SREBF2: variants seen among roughly 807,000 people sequenced by gnomAD.
The protein encoded by SREBF2 is sterol regulatory element-binding protein 2.
A neutral mutation model predicts 113.1 loss-of-function variants in SREBF2; 55 were observed. That is an observed-to-expected ratio of 0.49 (90% CI 0.39 to 0.61). The LOEUF is 0.61. Ranked by LOEUF, SREBF2 falls within the 20% of genes least tolerant of loss-of-function variation. SREBF2 has a pLI of 0.00. For missense variants in SREBF2, 1,349 were observed against 1,487.4 expected (o/e 0.91, Z 1.53); for synonymous variants, 593 against 605.7 (o/e 0.98, Z 0.31).
At position 41,845,454 on chromosome 22, in the gene SREBF2, T is replaced by A. The variant is rs191851977; in HGVS notation, c.88+12096T>A. On this transcript the variant is annotated intron_variant, in intron 1 of 18. Transcript: ENST00000361204. ...CCCTTCTCTGGTCAAAAGTTGTTTTTAAAAAATCCTTGCTGCATTTCAACG... is the reference window on the plus strand; with the variant it reads ...CCCTTCTCTGGTCAAAAGTTGTTTTAAAAAAATCCTTGCTGCATTTCAACG... Among the ~76,000 whole-genome samples, 365 of 152,310 alleles carry A rather than the reference T, an allele frequency of 2.4e-3. 1 individual carries two copies. Among genetic ancestry groups the A allele is most frequent in the Non-Finnish European group, 1.9e-3 (128 of 68,028 alleles).
chr22:41,878,322 G>A (rs1017913202), intron 9 of SREBF2, among the ~76,000 whole-genome samples, 199 bp downstream of exon 9: 2 of 152,130 alleles, frequency 1.3e-5, no homozygotes, highest in African/African-American at 2.4e-5. Context: ...CTATGTCTCC[G>A]GTATGACAGG....
chr22:41,870,738 C>G (rs2077132028), intron 3 of SREBF2, 151 bp from the exon 4 acceptor site: 2 of 1,115,734 alleles, frequency 1.8e-6, no homozygotes, highest in East Asian at 2.7e-5. Context: ...GAAATGGCCT[C>G]TATGAAATTT....
At position 41,897,178 on chromosome 22, in the gene SREBF2, G is replaced by A. The variant is rs375445942; in HGVS notation, c.2605+17G>A. Reference sequence around the variant, plus strand: ...CCGCCCTGGGTAAGCACCTGCGGGTGGCCCACAGTCTCAGGGTGCTCAGTT... The same window carrying A: ...CCGCCCTGGGTAAGCACCTGCGGGTAGCCCACAGTCTCAGGGTGCTCAGTT... On this transcript the variant is annotated intron_variant, in intron 14 of 18. Coordinates refer to ENST00000361204, the MANE Select transcript of SREBF2 (RefSeq NM_004599.4). 1 of 1,579,190 alleles carries A rather than the reference G, an allele frequency of 6.3e-7. No individual in the cohort carries two copies. Among genetic ancestry groups the A allele is most frequent in the African/African-American group, 1.3e-5 (1 of 74,202 alleles).
intron 11 of SREBF2, among the ~76,000 whole-genome samples, chr22:41,889,482 C>T (rs959809047): frequency 1.1e-4 from 17 of 152,046 alleles, no homozygotes; most frequent in Non-Finnish European, 4.4e-5. Context: ...GTCTTAACAG[C>T]TTAGTGGTCA....
At chr22:41,838,950 C>T (rs960933636) in intron 1 of SREBF2, among the ~76,000 whole-genome samples, 1 of 152,030 alleles carries the variant, frequency 6.6e-6, no homozygotes, top group African/African-American at 2.4e-5. Context: ...TGACAGAGTA[C>T]CCTGCAGTAC....
chr22:41,881,249 G>T (rs190674725), intron 10 of SREBF2, among the ~76,000 whole-genome samples: 1 of 152,346 alleles, frequency 6.6e-6, no homozygotes, highest in East Asian at 1.9e-4. Flanking sequence ...GTGGCACATT[G>T]TAGATAAGTT....
At chr22:41,867,368 C>T in intron 2 of SREBF2, 88 bp downstream of exon 2, 2 of 1,389,740 alleles carry the variant, frequency 1.4e-6, no homozygotes, top group Non-Finnish European at 2.0e-6. Context: ...CTGTCGTCTT[C>T]AGGAATGGCA....
At chr22:41,854,085 TG>T (rs1191183917) in intron 1 of SREBF2, among the ~76,000 whole-genome samples, 7 of 151,976 alleles carry the variant, frequency 4.6e-5, no homozygotes, top group Non-Finnish European at 8.8e-5. Context: ...ATAAGTTGCA[TG>T]AAAGTTGCTA....
At chr22:41,849,014 A>G (rs1223943596) in intron 1 of SREBF2, among the ~76,000 whole-genome samples, 1 of 152,154 alleles carries the variant, frequency 6.6e-6, no homozygotes, top group African/African-American at 2.4e-5. Flanking sequence ...AGTAAAAAAA[A>G]TCATGTTTAA....
At chr22:41,899,921 A>G in intron 15 of SREBF2, 1 of 1,134,450 alleles carries the variant, frequency 8.8e-7, no homozygotes, top group Non-Finnish European at 1.1e-6. Flanking sequence ...CTCTACAGAA[A>G]GAAGCTAACT....
At chr22:41,889,011 A>G (rs1397138757) in intron 11 of SREBF2, among the ~76,000 whole-genome samples, 3 of 152,066 alleles carry the variant, frequency 2.0e-5, no homozygotes, top group Admixed American at 2.0e-4. Flanking sequence ...AATGGTTTAG[A>G]CTAGAGGTTC....
rs952681205 is a variant in SREBF2, at chr22:41,833,515, C to A, written c.88+157C>A. The A allele has an allele frequency of 2.2e-5, 12 of 549,930 alleles. No individual in the cohort carries two copies. The highest frequency in any genetic ancestry group is 1.8e-4 in the East Asian group (5 of 28,330). 34.1% of individuals were successfully genotyped at this position (549,930 alleles called of 1,614,324 possible). A position where few individuals can be genotyped will look rare whatever the true frequency, so the allele number is the denominator to read the frequency against. ...CCCCGGCGGTCCTCAACCCTTCCGG[C>A]GCTGCGAGCGTGAGCCCGACCCAGC... On this transcript the variant is annotated intron_variant, in intron 1 of 18. Transcript: ENST00000361204. This position sits in a 1 kb window ranked among gnomAD's most constrained non-coding sequence, Gnocchi z 4.1.
At chr22:41,898,839 T>C (rs1310616810) in intron 15 of SREBF2, 58 bp downstream of exon 15, 1 of 1,604,470 alleles carries the variant, frequency 6.2e-7, no homozygotes. Context: ...TTGTTTGAGT[T>C]AGCAGGAGCA....
At chr22:41,844,033 T>TACACACACACACACACAC (rs71311415) in intron 1 of SREBF2, among the ~76,000 whole-genome samples, 66 of 123,136 alleles carry the variant, frequency 5.4e-4, no homozygotes, top group South Asian at 2.2e-3. Context: ...AAAAAATACA[T>TACACACACACACACACAC]ACACACACAC....
intron 2 of SREBF2, among the ~76,000 whole-genome samples, chr22:41,867,661 G>A (rs1569389195): frequency 6.6e-6 from 1 of 152,160 alleles, no homozygotes; most frequent in Admixed American, 6.5e-5. Flanking sequence ...GAAAAAATTA[G>A]CCGGGCATGG....
In SREBF2 at chr22:41,868,717, G is replaced by A. The variant is rs761908810; in HGVS notation, c.645G>A (p.Thr215=). The change falls in exon 3 of 19, where the codon ACG becomes ACA. Residue 215 remains threonine (T), a synonymous_variant. Coordinates refer to ENST00000361204, the MANE Select transcript of SREBF2 (RefSeq NM_004599.4). The part of the protein sequence containing the change: ...TVQAQRVLTQ[T]ANGTLQTLAP... ...AGGCCCAGCGGGTGCTGACACAAACGGCCAATGGCACGCTGCAGACCCTTG... is the reference window on the plus strand; with the variant it reads ...AGGCCCAGCGGGTGCTGACACAAACAGCCAATGGCACGCTGCAGACCCTTG... 2.9e-5 allele frequency: 47 copies of A among 1,614,060 alleles called. No individual in the cohort carries two copies. The highest frequency in any genetic ancestry group is 9.3e-5 in the African/African-American group (7 of 74,910).
chr22:41,882,399 G>A (rs544601971), intron 10 of SREBF2, among the ~76,000 whole-genome samples: 5 of 152,314 alleles, frequency 3.3e-5, no homozygotes, highest in Middle Eastern at 3.4e-3. Context: ...AGCTGGACAT[G>A]CAGGATCTAC....
At chr22:41,874,281 T>C (rs2077172888) in intron 5 of SREBF2, among the ~76,000 whole-genome samples, 1 of 152,188 alleles carries the variant, frequency 6.6e-6, no homozygotes, top group Non-Finnish European at 1.5e-5. Flanking sequence ...GGGACTCCAC[T>C]GTCAGAGGCA....
chr22:41,907,010 TGG>T lies in SREBF2; in HGVS notation c.*1355_*1356del, dbSNP rs1224365749. 1 of 152,192 alleles carries T rather than the reference TGG, an allele frequency of 6.6e-6. No homozygotes were observed. The highest frequency in any genetic ancestry group is 1.5e-5 in the Non-Finnish European group (1 of 68,044). 9.4% of individuals were successfully genotyped at this position (152,192 alleles called of 1,614,324 possible). ...GGTGGGCAGGAGCCCCAGCACAGAC[TGG>T]GGGGTGCTCACAGCAGGGCCACCTT... On this transcript the variant is annotated 3_prime_UTR_variant, in exon 19 of 19. Coordinates refer to ENST00000361204, the MANE Select transcript of SREBF2 (RefSeq NM_004599.4).
Sources: gnomAD v4.1 joint callset for allele counts (sites outside exome capture counted in the v4.1 genomes callset) on GRCh38, gnomAD v4.1.1 for gene constraint, Gnocchi (gnomAD v3.1) non-coding constraint, MANE v1.5 for transcripts, NCBI Gene and HGNC (gene_info 2026-07-23, HGNC 2026-07-21) for gene names.